Variants in MED26 observed in about 807,000 individuals in gnomAD.
MED26 encodes the protein mediator of RNA polymerase II transcription subunit 26.
A neutral mutation model predicts 43.7 loss-of-function variants in MED26; 7 were observed. The ratio of observed to expected loss-of-function variants is 0.16; its 90% CI spans 0.09 to 0.30. The LOEUF (loss-of-function observed/expected upper bound fraction) is 0.30. Among genes scored for constraint, MED26 ranks in the 10% least tolerant of loss-of-function variants. The pLI is 1.00. For missense variants in MED26, 784 were observed against 840.6 expected, an observed-to-expected ratio of 0.93 and a Z score of 0.83; for synonymous variants, 375 against 371.1, an observed-to-expected ratio of 1.01 and a Z score of -0.12.
At chr19:16,592,566 A>G (rs2086102729) in intron 1 of MED26, among the ~76,000 whole-genome samples, 1 of 152,176 alleles carries the variant, frequency 6.6e-6, no homozygotes, top group Non-Finnish European at 1.5e-5. Context: ...TTCCAAACAA[A>G]GTTCAGCAGC....
At chr19:16,585,798 T>G (rs1037677026) in intron 1 of MED26, among the ~76,000 whole-genome samples, 1 of 152,220 alleles carries the variant, frequency 6.6e-6, no homozygotes, top group African/African-American at 2.4e-5. Flanking sequence ...ATATTTTAAT[T>G]GGGCCACGGC....
At chr19:16,623,975 G>A (rs1472681267) in intron 1 of MED26, among the ~76,000 whole-genome samples, 1 of 152,056 alleles carries the variant, frequency 6.6e-6, no homozygotes, top group Non-Finnish European at 1.5e-5. Context: ...AGGGGAGACT[G>A]GCTCCCCCAC....
chr19:16,609,332 A>AGAG (rs1282684410), intron 1 of MED26, among the ~76,000 whole-genome samples: 7 of 140,528 alleles, frequency 5.0e-5, no homozygotes, highest in South Asian at 2.3e-4. Context: ...AAAAAAAAAA[A>AGAG]AAAAAGAGAG....
At chr19:16,602,866 G>A (rs1251877972) in intron 1 of MED26, among the ~76,000 whole-genome samples, 1 of 152,172 alleles carries the variant, frequency 6.6e-6, no homozygotes, top group Admixed American at 6.5e-5. Context: ...TGGGAACAGA[G>A]CTCGGTTTTG....
chr19:16,623,161 T>C (rs1035610105), intron 1 of MED26, among the ~76,000 whole-genome samples: 1 of 151,986 alleles, frequency 6.6e-6, no homozygotes, highest in Non-Finnish European at 1.5e-5. Flanking sequence ...CACTTTCTCC[T>C]GAGGGACAGA....
In MED26 at chr19:16,576,616, T is replaced by C. The variant is rs1340668192; in HGVS notation, c.1214A>G (p.Asn405Ser). The C allele has an allele frequency of 8.1e-6, 13 of 1,614,234 alleles. No individual in the cohort carries two copies. The highest frequency in any genetic ancestry group is 1.1e-5 in the Non-Finnish European group (13 of 1,180,048). The change falls in exon 3 of 3, where the codon AAC becomes AGC. Residue 405 changes from asparagine to serine, a missense_variant. This residue lies in a region of MED26 where 719 missense variants were observed against 730.9 expected (regional missense o/e 0.98). Transcript: ENST00000263390. This position sits in a 1 kb window ranked among gnomAD's most constrained non-coding sequence, Gnocchi z 6.8. ...CGCCTCAGCCACCTGCCCGTCCAAGTTAACCGTATAGTCTCGAGGTCGGTA... is the reference window on the plus strand; with the variant it reads ...CGCCTCAGCCACCTGCCCGTCCAAGCTAACCGTATAGTCTCGAGGTCGGTA... The part of the protein sequence containing the change: ...KRYRPRDYTV[N>S]LDGQVAEAGV...
Position 16,578,643 on chromosome 19 carries a change from A to G in MED26, c.73-234T>C, listed in dbSNP as rs374869354. ...AGTGTGTGGTGTGCGGGCTGCCCCA[A>G]GCCCTCCAGTGTACATGGTACATAC... On this transcript the variant is annotated intron_variant, in intron 1 of 2. Transcript: ENST00000263390. 107 of 548,680 alleles carry G rather than the reference A, an allele frequency of 2.0e-4. 1 individual carries two copies. The highest frequency in any genetic ancestry group is 1.8e-3 in the African/African-American group (96 of 52,526). 34.0% of individuals were successfully genotyped at this position (548,680 alleles called of 1,614,324 possible).
rs969275442 is a variant in MED26, at chr19:16,575,272, A to G, written c.*755T>C. On this transcript the variant is annotated 3_prime_UTR_variant, in exon 3 of 3. Coordinates refer to ENST00000263390, the MANE Select transcript of MED26 (RefSeq NM_004831.5). The stretch of plus-strand genomic sequence containing the variant: ...AAGGGAAAAAAGAAAAGGGAGGAAG[A>G]AAGGAAAGGTTTTTTTGTCTGGTGG... 1.3e-5 allele frequency: 2 copies of G among 152,700 alleles called. No individual in the cohort carries two copies. The highest frequency in any genetic ancestry group is 2.9e-5 in the Non-Finnish European group (2 of 68,054). The allele number at this position is 152,700 out of a possible 1,614,324, so 9.5% of individuals were successfully genotyped here.
At chr19:16,625,715 C>T (rs781271236) in intron 1 of MED26, among the ~76,000 whole-genome samples, 1 of 152,226 alleles carries the variant, frequency 6.6e-6, no homozygotes, top group Non-Finnish European at 1.5e-5. Flanking sequence ...GACGCACTGA[C>T]ATGCCCGGCT....
At chr19:16,591,048 A>AAAATAAAATAAAT (rs979650359) in intron 1 of MED26, among the ~76,000 whole-genome samples, 3 of 142,712 alleles carry the variant, frequency 2.1e-5, no homozygotes, top group East Asian at 2.0e-4. Context: ...AAAATAAAAT[A>AAAATAAAATAAAT]AAATAAATAA....
chr19:16,618,103 C>T, intron 1 of MED26, among the ~76,000 whole-genome samples: 1 of 152,190 alleles, frequency 6.6e-6, no homozygotes, highest in Non-Finnish European at 1.5e-5. Flanking sequence ...TCCGGTTACC[C>T]AGAGGGGAGG....
At chr19:16,589,981 C>A (rs944481455) in intron 1 of MED26, among the ~76,000 whole-genome samples, 9 of 152,248 alleles carry the variant, frequency 5.9e-5, no homozygotes, top group Non-Finnish European at 1.2e-4. Context: ...GCCACCTCTA[C>A]AACACACAGT....
chr19:16,592,684 C>T (rs1014986046), intron 1 of MED26, among the ~76,000 whole-genome samples: 2 of 152,180 alleles, frequency 1.3e-5, no homozygotes, highest in Admixed American at 6.5e-5. Context: ...CTGGTCAAAA[C>T]GGCACCCCCT....
intron 1 of MED26, among the ~76,000 whole-genome samples, chr19:16,621,360 C>T (rs543357551): frequency 7.2e-5 from 11 of 152,340 alleles, no homozygotes; most frequent in African/African-American, 2.6e-4. Flanking sequence ...CAGTAAACAG[C>T]GGCTGTTCGT....
intron 1 of MED26, among the ~76,000 whole-genome samples, chr19:16,580,180 C>A (rs1465529261): frequency 6.6e-6 from 1 of 152,200 alleles, no homozygotes; most frequent in Non-Finnish European, 1.5e-5. Flanking sequence ...CCCACCAGGC[C>A]ACATCCTTGC....
chr19:16,620,229 C>T (rs1015694294), intron 1 of MED26, among the ~76,000 whole-genome samples: 3 of 152,118 alleles, frequency 2.0e-5, no homozygotes, highest in African/African-American at 4.8e-5. Context: ...GGAGTGCCTG[C>T]GCAGCAAGTG....
intron 1 of MED26, among the ~76,000 whole-genome samples, chr19:16,601,740 C>T (rs1020073881): frequency 2.0e-5 from 3 of 152,252 alleles, no homozygotes; most frequent in Non-Finnish European, 4.4e-5. Flanking sequence ...GCTGGGCACA[C>T]AGCAGCGCAG....
At position 16,627,848 on chromosome 19, in the gene MED26, C is replaced by G. The variant is rs763869919; in HGVS notation, c.72+24G>C. ...GTCCCGGGCCCATGCGGCCTCCGTCCCAGCTCGCGCGGCGGGTACTTACGT... is the reference window on the plus strand; with the variant it reads ...GTCCCGGGCCCATGCGGCCTCCGTCGCAGCTCGCGCGGCGGGTACTTACGT... On this transcript the variant is annotated intron_variant, in intron 1 of 2. Coordinates refer to ENST00000263390, the MANE Select transcript of MED26 (RefSeq NM_004831.5). The G allele has an allele frequency of 2.0e-6, 3 of 1,469,412 alleles. 1 individual carries two copies. In the South Asian group the frequency reaches 4.0e-5, roughly 19 times the overall value. 91.0% of individuals were successfully genotyped at this position (1,469,412 alleles called of 1,614,324 possible).
At chr19:16,578,159 T>G in intron 2 of MED26, 176 bp downstream of exon 2, 1 of 661,556 alleles carries the variant, frequency 1.5e-6, no homozygotes, top group Non-Finnish European at 2.7e-6. Context: ...CCACTTGGTC[T>G]CTGCAGTGCC....
Sources: gnomAD v4.1 joint callset for allele counts (sites outside exome capture counted in the v4.1 genomes callset) on GRCh38, gnomAD v4.1.1 for gene constraint, gnomAD v4.1.1 regional missense constraint, Gnocchi (gnomAD v3.1) non-coding constraint, MANE v1.5 for transcripts, NCBI Gene and HGNC (gene_info 2026-07-23, HGNC 2026-07-21) for gene names.